Variants in RALYL observed in about 807,000 individuals in gnomAD.
RALYL encodes the protein RALY RNA binding protein like.
In RALYL, 29 loss-of-function variants were observed where a neutral mutation model predicts 35.1. The observed-to-expected ratio is 0.83, with a 90% CI of 0.61 to 1.13. The LOEUF (loss-of-function observed/expected upper bound fraction) is 1.13, where lower values mean the gene tolerates loss of function less well. Ranked by LOEUF, RALYL falls within the 50% of genes most tolerant of loss-of-function variation. The pLI is 0.00. For missense variants in RALYL, 359 were observed against 360.4 expected (o/e 1.00, Z 0.03); for synonymous variants, 120 against 127.6 (o/e 0.94, Z 0.40).
intron 2 of RALYL, among the ~76,000 whole-genome samples, chr8:84,567,572 A>G (rs1378633676): frequency 6.6e-6 from 1 of 151,794 alleles, no homozygotes; most frequent in Non-Finnish European, 1.5e-5. Flanking sequence ...TGGTGTGTAT[A>G]TATACCACAT....
intron 1 of RALYL, among the ~76,000 whole-genome samples, chr8:84,453,172 G>C (rs2049710237): frequency 6.6e-6 from 1 of 151,900 alleles, no homozygotes; most frequent in East Asian, 1.9e-4. Flanking sequence ...AAATATAATA[G>C]CTCTTTGGAG....
chr8:84,806,617 T>C (rs955780524), intron 4 of RALYL, among the ~76,000 whole-genome samples: 2 of 150,898 alleles, frequency 1.3e-5, no homozygotes, highest in Admixed American at 1.3e-4. Flanking sequence ...AGTGGGAAAA[T>C]TAGCATGGCA....
At chr8:84,736,531 T>C (rs1187521194) in intron 2 of RALYL, among the ~76,000 whole-genome samples, 2 of 152,088 alleles carry the variant, frequency 1.3e-5, no homozygotes, top group Non-Finnish European at 2.9e-5. Context: ...CTCAGGCACC[T>C]GAAACATCAG....
chr8:84,322,447 G>A (rs193083206), intron 1 of RALYL, among the ~76,000 whole-genome samples: 12 of 152,114 alleles, frequency 7.9e-5, no homozygotes, highest in Non-Finnish European at 2.9e-5. Flanking sequence ...GGTGGGTTCT[G>A]TTCCCAGCAC....
At chr8:84,246,010 T>C (rs981161801) in intron 1 of RALYL, among the ~76,000 whole-genome samples, 1 of 152,110 alleles carries the variant, frequency 6.6e-6, no homozygotes. Context: ...ATATCATGTG[T>C]TGGTATTCAG....
chr8:84,305,427 A>C (rs1563701091), intron 1 of RALYL, among the ~76,000 whole-genome samples: 1 of 152,232 alleles, frequency 6.6e-6, no homozygotes, highest in Non-Finnish European at 1.5e-5. Context: ...AAAAACAGTT[A>C]TCTTAAGCTT....
At chr8:84,888,677 T>C (rs957579366) in intron 8 of RALYL, among the ~76,000 whole-genome samples, 1 of 152,212 alleles carries the variant, frequency 6.6e-6, no homozygotes, top group Non-Finnish European at 1.5e-5. Context: ...CTGAATTGCA[T>C]AGATTCTATA....
intron 2 of RALYL, among the ~76,000 whole-genome samples, chr8:84,730,022 T>G (rs986225042): frequency 5.3e-5 from 8 of 152,172 alleles, no homozygotes; most frequent in African/African-American, 1.9e-4. Context: ...GAATCTTCCC[T>G]AACTCATTTT....
chr8:84,818,572 A>G (rs1012710816), intron 4 of RALYL, among the ~76,000 whole-genome samples: 1 of 152,208 alleles, frequency 6.6e-6, no homozygotes, highest in African/African-American at 2.4e-5. Flanking sequence ...AGGAAAAGAC[A>G]AAAGATAAGA....
At position 84,366,763 on chromosome 8, in the gene RALYL, CAAAAAAAAA is replaced by C. The variant is rs1166208925; in HGVS notation, c.-23-162516_-23-162508del. 2.2e-3 allele frequency among the ~76,000 whole-genome samples: 127 copies of C among 56,672 alleles called. 3 individuals are homozygous for C. Among genetic ancestry groups the C allele is most frequent in the Middle Eastern group, 0.021 (1 of 48 alleles). 37.2% of individuals were successfully genotyped at this position (56,672 alleles called of 152,430 possible). The stretch of plus-strand genomic sequence containing the variant: ...TGGAGGCAGAGTGAGATTTTTGTCT[CAAAAAAAAA>C]AAAAAAAAAAAAAAAAAAAGGGTAT... On this transcript the variant is annotated intron_variant, in intron 1 of 8. Transcript: ENST00000521268.
intron 1 of RALYL, among the ~76,000 whole-genome samples, chr8:84,402,698 C>A (rs1027190629): frequency 1.3e-5 from 2 of 152,270 alleles, no homozygotes; most frequent in Middle Eastern, 3.4e-3. Context: ...CCAATCCTTA[C>A]CTCTAGAAAT....
At chr8:84,744,009 C>T (rs113647103) in intron 2 of RALYL, among the ~76,000 whole-genome samples, 73 of 151,988 alleles carry the variant, frequency 4.8e-4, no homozygotes, top group African/African-American at 1.6e-3. Flanking sequence ...AAATTGGAGA[C>T]GGATAGTAGC....
rs764942491 is a variant in RALYL, at chr8:84,253,176, G to GTTTTTTTTT, written c.-24+68775_-24+68783dup. 7.6e-5 allele frequency among the ~76,000 whole-genome samples: 4 copies of GTTTTTTTTT among 52,858 alleles called. 1 individual carries two copies. The highest frequency in any genetic ancestry group is 2.6e-4 in the African/African-American group (3 of 11,558). 34.7% of individuals were successfully genotyped at this position (52,858 alleles called of 152,430 possible). A position where few individuals can be genotyped will look rare whatever the true frequency, so the allele number is the denominator to read the frequency against. On this transcript the variant is annotated intron_variant, in intron 1 of 8. Coordinates refer to ENST00000521268, the MANE Select transcript of RALYL (RefSeq NM_173848.7). ...GTATGTGTCTGTGTGTAGTTCTGCA[G>GTTTTTTTTT]TTTTTTTTTTTTTTTTTTTTTTTTT...
chr8:84,842,035 C>A (rs1280580638), intron 4 of RALYL, among the ~76,000 whole-genome samples: 1 of 152,128 alleles, frequency 6.6e-6, no homozygotes, highest in Non-Finnish European at 1.5e-5. Flanking sequence ...AAAATTGACA[C>A]CCTAACATCA....
intron 1 of RALYL, among the ~76,000 whole-genome samples, chr8:84,294,675 A>G (rs965119523): frequency 2.0e-5 from 3 of 152,096 alleles, no homozygotes; most frequent in Non-Finnish European, 4.4e-5. Context: ...TTGTTATAAC[A>G]AAGGTCACCG....
intron 1 of RALYL, among the ~76,000 whole-genome samples, chr8:84,359,175 C>G (rs1308253751): frequency 6.6e-6 from 1 of 150,936 alleles, no homozygotes; most frequent in African/African-American, 2.4e-5. Flanking sequence ...ATTTTATTTT[C>G]TTTGGGAACA....
intron 4 of RALYL, among the ~76,000 whole-genome samples, chr8:84,844,447 A>G (rs1168269203): frequency 6.6e-6 from 1 of 152,208 alleles, no homozygotes; most frequent in Non-Finnish European, 1.5e-5. Context: ...TAGAATGGCA[A>G]TCATTAAAAA....
intron 1 of RALYL, among the ~76,000 whole-genome samples, chr8:84,190,484 G>A (rs1813593145): frequency 6.6e-6 from 1 of 152,214 alleles, no homozygotes; most frequent in South Asian, 2.1e-4. Context: ...TGCACATGAT[G>A]AGATGGATTT....
intron 8 of RALYL, among the ~76,000 whole-genome samples, chr8:84,897,236 T>C (rs1754416557): frequency 6.6e-6 from 1 of 152,206 alleles, no homozygotes; most frequent in South Asian, 2.1e-4. Context: ...CTGTTATCAT[T>C]ATTGCTATTG....
Sources: allele counts gnomAD v4.1 joint callset (sites outside exome capture counted in the v4.1 genomes callset), GRCh38; gene constraint gnomAD v4.1.1; transcripts MANE v1.5; gene names NCBI Gene and HGNC (gene_info 2026-07-23, HGNC 2026-07-21).